The following BLMH variants were observed in gnomAD, a reference collection of about 807,000 sequenced individuals.
BLMH encodes bleomycin hydrolase, also known as BLM hydrolase.
In BLMH, 32 loss-of-function variants were observed where a neutral mutation model predicts 61.6. That is an observed-to-expected ratio of 0.52 (90% CI 0.39 to 0.70). The LOEUF (loss-of-function observed/expected upper bound fraction) is 0.70, where lower values mean the gene tolerates loss of function less well. Among genes scored for constraint, BLMH ranks in the 30% least tolerant of loss-of-function variants. The pLI is 0.00. For synonymous variants in BLMH, 183 were observed against 193.8 expected (o/e 0.94, Z 0.46); for missense variants, 460 against 555.5 (o/e 0.83, Z 1.73).
chr17:30,287,718 AC>A, intron 4 of BLMH, 87 bp downstream of exon 4: 1 of 1,485,674 alleles, frequency 6.7e-7, no homozygotes, highest in South Asian at 1.2e-5. Flanking sequence ...TCTACTCTGT[AC>A]ACAACCACCA....
chr17:30,285,837 T>C (rs1908711635), intron 5 of BLMH, among the ~76,000 whole-genome samples: 1 of 152,194 alleles, frequency 6.6e-6, no homozygotes, highest in Admixed American at 6.5e-5. Context: ...TATGTTACTC[T>C]CATAGATTTT....
At chr17:30,262,125 T>C (rs983457828) in intron 11 of BLMH, among the ~76,000 whole-genome samples, 3 of 152,218 alleles carry the variant, frequency 2.0e-5, no homozygotes, top group African/African-American at 4.8e-5. Flanking sequence ...TCAGTGAACA[T>C]TGCAGAATTA....
intron 11 of BLMH, among the ~76,000 whole-genome samples, chr17:30,256,610 G>A (rs546918566): frequency 2.8e-4 from 43 of 152,138 alleles, no homozygotes; most frequent in Non-Finnish European, 5.1e-4. Context: ...GATTACAGGC[G>A]TAAGCCATCG....
intron 5 of BLMH, among the ~76,000 whole-genome samples, chr17:30,285,789 T>C (rs1567839449): frequency 6.6e-6 from 1 of 152,224 alleles, no homozygotes; most frequent in African/African-American, 2.4e-5. Flanking sequence ...ATAATGCCTA[T>C]CACTCAGAAA....
At chr17:30,278,676 G>T (rs1003944689) in intron 6 of BLMH, among the ~76,000 whole-genome samples, 2 of 150,928 alleles carry the variant, frequency 1.3e-5, no homozygotes, top group Non-Finnish European at 3.0e-5. Flanking sequence ...CTTTTTTTGT[G>T]GGGGGGAGCG....
In BLMH at chr17:30,291,333, T is replaced by G; in HGVS notation, c.189A>C (p.Pro63=). The change falls in exon 2 of 12, where the codon CCA becomes CCC. Residue 63 remains proline, a synonymous_variant. Transcript: ENST00000261714. ...CACCTGAGCTCTTCTGGTTGGTGAT[T>G]GGCTTGCCCTCCTGGGGCACGGCGT... is the stretch of plus-strand genomic sequence containing the variant. ...FQHAVPQEGK[P]ITNQKSSGRC... 3 of 1,612,898 alleles carry G rather than the reference T, an allele frequency of 1.9e-6. No homozygotes were observed. In the East Asian group the frequency reaches 6.7e-5, roughly 36 times the overall value.
chr17:30,272,800 T>TTA lies in BLMH; in HGVS notation c.900_901insTA (p.Asn301Ter). 2 of 1,614,184 alleles carry TTA rather than the reference T, an allele frequency of 1.2e-6. No homozygotes were observed. The highest frequency in any genetic ancestry group is 1.7e-6 in the Non-Finnish European group (2 of 1,180,042). On this transcript the variant is annotated frameshift_variant, in exon 8 of 12. Coordinates refer to ENST00000261714, the MANE Select transcript of BLMH (RefSeq NM_000386.4). LOFTEE classifies it high-confidence loss of function. Reference sequence around the variant, plus strand: ...TTCAGGAAGTCAATGGGCTGGTTGTTGTATAGAGTTTTTCTCCCTCCAACC... The same window carrying TTA: ...TTCAGGAAGTCAATGGGCTGGTTGTTTAGTATAGAGTTTTTCTCCCTCCAACC...
At chr17:30,274,504 C>A (rs1409864415) in intron 6 of BLMH, among the ~76,000 whole-genome samples, 1 of 152,116 alleles carries the variant, frequency 6.6e-6, no homozygotes, top group Non-Finnish European at 1.5e-5. Flanking sequence ...ACCATTGATA[C>A]CCAGCAAGAT....
At chr17:30,256,569 A>G (rs908644767) in intron 11 of BLMH, among the ~76,000 whole-genome samples, 2 of 152,154 alleles carry the variant, frequency 1.3e-5, no homozygotes, top group Admixed American at 6.5e-5. Flanking sequence ...ACCTCAGGTG[A>G]TCTACCCACC....
intron 7 of BLMH, chr17:30,273,519 C>A (rs1434569573): frequency 6.3e-6 from 1 of 158,850 alleles, no homozygotes; most frequent in Admixed American, 6.4e-5. Context: ...AATTGGAGAG[C>A]TAATCACAAG....
chr17:30,262,029 A>C (rs1481287165), intron 11 of BLMH, among the ~76,000 whole-genome samples: 3 of 152,228 alleles, frequency 2.0e-5, no homozygotes, highest in Non-Finnish European at 4.4e-5. Context: ...TGAAAGGAAC[A>C]AAAGCAATGT....
chr17:30,257,616 GAAAAC>G (rs927091590), intron 11 of BLMH, among the ~76,000 whole-genome samples: 2 of 151,978 alleles, frequency 1.3e-5, no homozygotes, highest in African/African-American at 4.8e-5. Flanking sequence ...TTACACTTTA[GAAAAC>G]AAAACAAAAA....
At chr17:30,252,958 T>C (rs893604346) in intron 11 of BLMH, among the ~76,000 whole-genome samples, 3 of 152,154 alleles carry the variant, frequency 2.0e-5, no homozygotes, top group Non-Finnish European at 4.4e-5. Context: ...GGTCAACCAG[T>C]GCGTATTATT....
intron 6 of BLMH, among the ~76,000 whole-genome samples, chr17:30,279,615 A>G (rs1908527012): frequency 6.6e-6 from 1 of 152,170 alleles, no homozygotes; most frequent in Non-Finnish European, 1.5e-5. Flanking sequence ...CTCATTTTAT[A>G]AAGGAGCTCC....
intron 4 of BLMH, 136 bp from the exon 5 acceptor site, chr17:30,287,038 G>GGTTTTTT (rs577605303): frequency 4.7e-6 from 3 of 638,218 alleles, no homozygotes; most frequent in East Asian, 5.6e-5. Flanking sequence ...TATGAAGCAG[G>GGTTTTTT]GTTTTTTGTT....
intron 6 of BLMH, among the ~76,000 whole-genome samples, chr17:30,274,767 A>C (rs544740507): frequency 6.6e-6 from 1 of 152,174 alleles, no homozygotes; most frequent in East Asian, 1.9e-4. Flanking sequence ...GGATCCCTTG[A>C]ACCCAGGAGT....
intron 11 of BLMH, among the ~76,000 whole-genome samples, chr17:30,258,407 C>T (rs975745929): frequency 2.6e-5 from 4 of 152,058 alleles, no homozygotes; most frequent in Admixed American, 1.3e-4. Context: ...CTCTTATAGC[C>T]GGATATTACT....
intron 6 of BLMH, among the ~76,000 whole-genome samples, chr17:30,281,828 C>A (rs1396438405): frequency 1.3e-5 from 2 of 152,112 alleles, no homozygotes; most frequent in Non-Finnish European, 2.9e-5. Context: ...ATTTTATAAA[C>A]TTGATGTTAA....
chr17:30,256,269 C>CT (rs1907812360), intron 11 of BLMH, among the ~76,000 whole-genome samples: 2 of 152,208 alleles, frequency 1.3e-5, no homozygotes, highest in South Asian at 4.1e-4. Flanking sequence ...TGGTTGCAAA[C>CT]TTTTTTTCCT....
Sources: gnomAD v4.1 joint callset for allele counts (sites outside exome capture counted in the v4.1 genomes callset) on GRCh38, gnomAD v4.1.1 for gene constraint, MANE v1.5 for transcripts, NCBI Gene and HGNC (gene_info 2026-07-23, HGNC 2026-07-21) for gene names.